The following RHOT1 variants were observed in gnomAD, a reference collection of about 807,000 sequenced individuals.
RHOT1 encodes the protein ras homolog family member T1, also known as mitochondrial Rho GTPase 1.
A neutral mutation model predicts 95.3 loss-of-function variants in RHOT1; 27 were observed. The observed-to-expected ratio is 0.28, with a 90% CI of 0.21 to 0.39. The LOEUF (loss-of-function observed/expected upper bound fraction) is 0.39, where lower values mean the gene tolerates loss of function less well. Among genes scored for constraint, RHOT1 ranks in the 10% least tolerant of loss-of-function variants. RHOT1 has a pLI of 1.00. For synonymous variants in RHOT1, 227 were observed against 263.5 expected, an observed-to-expected ratio of 0.86 and a Z score of 1.34; for missense variants, 578 against 786.7, an observed-to-expected ratio of 0.73 and a Z score of 3.17.
intron 8 of RHOT1, among the ~76,000 whole-genome samples, chr17:32,189,327 C>CA (rs1375047805): frequency 4.6e-5 from 7 of 151,962 alleles, no homozygotes; most frequent in African/African-American, 1.2e-4. Flanking sequence ...CAAAAAACAA[C>CA]AAAAAAACAC....
At chr17:32,188,217 G>A (rs2036202865) in intron 8 of RHOT1, among the ~76,000 whole-genome samples, 1 of 152,188 alleles carries the variant, frequency 6.6e-6, no homozygotes, top group Non-Finnish European at 1.5e-5. Context: ...ATAATAAAGT[G>A]TTTTTTAGAT....
rs373012040 is a variant in RHOT1, at chr17:32,199,453, G to C, written c.1003G>C (p.Val335Leu). The change falls in exon 13 of 20, where the codon GTT becomes CTT. Residue 335 changes from valine to leucine, a missense_variant. Around this residue, in one of 4 missense-constraint regions of RHOT1, gnomAD observed 227 missense variants for 316.0 expected, o/e 0.72. Coordinates refer to ENST00000545287, the MANE Select transcript of RHOT1 (RefSeq NM_001033566.3). Reference sequence around the variant, plus strand: ...TGATGAGCTTAAAGATTTATTTAAAGTTTTCCCTTACATACCTTGGGGGCC... The same window carrying C: ...TGATGAGCTTAAAGATTTATTTAAACTTTTCCCTTACATACCTTGGGGGCC... ...SPDELKDLFKVFPYIPWGPDV... is the reference protein window; with the variant it reads ...SPDELKDLFKLFPYIPWGPDV... 6.2e-7 allele frequency: 1 copy of C among 1,613,178 alleles called. No homozygotes were observed. The highest frequency in any genetic ancestry group is 8.5e-7 in the Non-Finnish European group (1 of 1,179,704).
At chr17:32,165,478 G>A (rs988712942) in intron 1 of RHOT1, among the ~76,000 whole-genome samples, 17 of 150,972 alleles carry the variant, frequency 1.1e-4, no homozygotes, top group East Asian at 5.8e-4. Flanking sequence ...AACCAAGATC[G>A]TGCCACTGCA....
rs778674620 is a variant in RHOT1 at position 32,211,024 on chromosome 17, C to T, written c.1740-92C>T. The T allele has an allele frequency of 4.6e-6, 6 of 1,303,892 alleles. No individual in the cohort carries two copies. In the East Asian group the frequency reaches 1.2e-4, roughly 26 times the overall value. The allele number at this position is 1,303,892 out of a possible 1,614,324, so 80.8% of individuals were successfully genotyped here. A position where few individuals can be genotyped will look rare whatever the true frequency, so the allele number is the denominator to read the frequency against. On this transcript the variant is annotated intron_variant, in intron 18 of 19. Transcript: ENST00000545287. Reference sequence around the variant, plus strand: ...CTTTCTACAAAGAGTGTTGCTTATGCCTAAGTCTTTTTTTTTTAAGTTGGC... The same window carrying T: ...CTTTCTACAAAGAGTGTTGCTTATGTCTAAGTCTTTTTTTTTTAAGTTGGC...
chr17:32,194,833 T>TA (rs1170060639), intron 11 of RHOT1, among the ~76,000 whole-genome samples: 4 of 149,232 alleles, frequency 2.7e-5, no homozygotes. Flanking sequence ...TCTTTCTTTT[T>TA]TTTTTTTTTT....
intron 16 of RHOT1, among the ~76,000 whole-genome samples, chr17:32,204,635 T>TA (rs57746638): frequency 0.086 from 12,897 of 149,370 alleles, 1,900 homozygotes; most frequent in African/African-American, 0.3. Flanking sequence ...TTAAAAAAAT[T>TA]AAAAAAAAAA....
intron 1 of RHOT1, among the ~76,000 whole-genome samples, chr17:32,165,041 CA>C (rs1006788736): frequency 6.6e-6 from 1 of 151,050 alleles, no homozygotes; most frequent in African/African-American, 2.4e-5. Flanking sequence ...CAAAACAAAA[CA>C]AAAAAAACAG....
intron 1 of RHOT1, among the ~76,000 whole-genome samples, chr17:32,156,394 G>A (rs972882252): frequency 6.6e-6 from 1 of 152,006 alleles, no homozygotes; most frequent in Non-Finnish European, 1.5e-5. Flanking sequence ...AGCCTCTCAA[G>A]TAGCTGGGAC....
chr17:32,192,426 A>T, intron 9 of RHOT1, 127 bp downstream of exon 9: 1 of 648,808 alleles, frequency 1.5e-6, no homozygotes. Context: ...CTTTCTCATA[A>T]AACTATCTTT....
At chr17:32,155,653 C>G (rs918600039) in intron 1 of RHOT1, among the ~76,000 whole-genome samples, 29 of 151,886 alleles carry the variant, frequency 1.9e-4, no homozygotes, top group African/African-American at 6.8e-4. Flanking sequence ...AGGGATCCTC[C>G]CACCTTAGCC....
In RHOT1 at chr17:32,161,540, T is replaced by C. The variant is rs550295221; in HGVS notation, c.38-9503T>C. ...TAATCCTAACCTTGTGGCCTTTCAC[T>C]AGTTTTACAAAGGTGGTTTAGTTTT... On this transcript the variant is annotated intron_variant, in intron 1 of 19. Transcript: ENST00000545287. 2.6e-5 allele frequency among the ~76,000 whole-genome samples: 4 copies of C among 152,356 alleles called. 1 individual carries two copies. The South Asian group carries it at 8.3e-4, about 32-fold the overall frequency.
rs1567740845 is a variant in RHOT1 at position 32,224,784 on chromosome 17, C to T, written c.*51C>T. 2 of 1,071,630 alleles carry T rather than the reference C, an allele frequency of 1.9e-6. No individual in the cohort carries two copies. The highest frequency in any genetic ancestry group is 1.4e-6 in the Non-Finnish European group (1 of 709,436). 66.4% of individuals were successfully genotyped at this position (1,071,630 alleles called of 1,614,324 possible). ...AAAAACAAATACTTTTATGTACATT[C>T]TGAATGCTTTAAGTTCTGCTAGAAT... On this transcript the variant is annotated 3_prime_UTR_variant, in exon 20 of 20. Transcript: ENST00000545287.
intron 19 of RHOT1, among the ~76,000 whole-genome samples, chr17:32,214,842 C>G (rs530049194): frequency 1.3e-5 from 2 of 149,394 alleles, no homozygotes; most frequent in Admixed American, 6.7e-5. Context: ...TCAGAACTAC[C>G]ATGCTTAGTG....
intron 1 of RHOT1, among the ~76,000 whole-genome samples, chr17:32,165,364 A>T (rs2033980023): frequency 1.6e-5 from 2 of 124,668 alleles, no homozygotes; most frequent in African/African-American, 3.7e-5. Flanking sequence ...AAAAAAAAAC[A>T]ATACAAAAAT....
chr17:32,200,133 T>A (rs1299050156), intron 13 of RHOT1, among the ~76,000 whole-genome samples: 1 of 152,120 alleles, frequency 6.6e-6, no homozygotes, highest in African/African-American at 2.4e-5. Flanking sequence ...TATATCTTAA[T>A]GTTAAATAAT....
intron 18 of RHOT1, 37 bp from the exon 19 acceptor site, chr17:32,211,079 A>G: frequency 1.3e-6 from 2 of 1,562,854 alleles, no homozygotes; most frequent in Non-Finnish European, 1.7e-6. Flanking sequence ...ATTTGTAAGT[A>G]AGAACTCAAC....
chr17:32,193,138 G>T lies in RHOT1; in HGVS notation c.642G>T (p.Arg214Ser). 2 of 1,588,318 alleles carry T rather than the reference G, an allele frequency of 1.3e-6. No homozygotes were observed. The highest frequency in any genetic ancestry group is 1.3e-5 in the African/African-American group (1 of 74,076). The change falls in exon 10 of 20, where the codon AGG (arginine) becomes AGT (serine). Residue 214 changes from arginine to serine, a missense_variant and splice_region_variant. Physicochemically the swap from Arg to Ser is moderately radical, Grantham distance 110 (BLOSUM62 -1). Coordinates refer to ENST00000545287, the MANE Select transcript of RHOT1 (RefSeq NM_001033566.3). ...LNDAELNFFQ[R>S]ICFNTPLAPQ... ...TATATTTTTATGTTTTTTGCTAGAGGATTTGTTTCAACACTCCATTAGCTC... is the reference window on the plus strand; with the variant it reads ...TATATTTTTATGTTTTTTGCTAGAGTATTTGTTTCAACACTCCATTAGCTC...
chr17:32,225,270 G>A lies in RHOT1; in HGVS notation c.*537G>A, dbSNP rs896483868. 2 of 153,508 alleles carry A rather than the reference G, an allele frequency of 1.3e-5. No individual in the cohort carries two copies. Among genetic ancestry groups the A allele is most frequent in the African/African-American group, 4.8e-5 (2 of 41,432 alleles). 9.5% of individuals were successfully genotyped at this position (153,508 alleles called of 1,614,324 possible). ...ACATGACATTTTTTCAGTCAGTTGT[G>A]GTAGGCCAGCCTTGAAGCCATCGCA... On this transcript the variant is annotated 3_prime_UTR_variant, in exon 20 of 20. Transcript: ENST00000545287.
At chr17:32,183,498 T>G (rs1443874999) in intron 8 of RHOT1, among the ~76,000 whole-genome samples, 1 of 152,174 alleles carries the variant, frequency 6.6e-6, no homozygotes, top group Non-Finnish European at 1.5e-5. Flanking sequence ...CTTCAGGAAG[T>G]GCCATTAAAA....
Sources: allele counts gnomAD v4.1 joint callset (sites outside exome capture counted in the v4.1 genomes callset), GRCh38; gene constraint gnomAD v4.1.1; regional missense constraint gnomAD v4.1.1; transcripts MANE v1.5; gene names NCBI Gene and HGNC (gene_info 2026-07-23, HGNC 2026-07-21).